MAML2: variants seen among roughly 807,000 people sequenced by gnomAD.
The protein encoded by MAML2 is mastermind-like protein 2.
Under a neutral mutation model 96.1 loss-of-function variants are expected in MAML2, and 22 were observed. The ratio of observed to expected loss-of-function variants is 0.23; its 90% CI spans 0.16 to 0.33. The LOEUF (loss-of-function observed/expected upper bound fraction) is 0.33, where lower values mean the gene tolerates loss of function less well. Ranked by LOEUF, MAML2 falls within the 10% of genes least tolerant of loss-of-function variation. MAML2 has a pLI of 1.00. For synonymous variants in MAML2, 561 were observed against 521.3 expected (o/e 1.08, Z -1.04); for missense variants, 1,367 against 1,392.4 (o/e 0.98, Z 0.29).
intron 1 of MAML2, among the ~76,000 whole-genome samples, chr11:96,176,673 TGAGGAG>T (rs1161687211): frequency 3.9e-5 from 6 of 152,080 alleles, no homozygotes; most frequent in Non-Finnish European, 7.4e-5. Flanking sequence ...CCATGTCTGA[TGAGGAG>T]GATAGGTGTT....
Position 96,092,039 on chromosome 11 carries a change from T to TTGC in MAML2, c.1989_1991dup (p.Gln665dup), listed in dbSNP as rs149006316. The TTGC allele has an allele frequency of 8.0e-5, 125 of 1,557,856 alleles. 1 individual carries two copies. The highest frequency in any genetic ancestry group is 4.1e-4 in the Admixed American group (21 of 51,420). On this transcript the variant is annotated inframe_insertion, in exon 2 of 5. Transcript: ENST00000524717. The surrounding 1 kb of genome is among the most constrained non-coding windows in gnomAD (Gnocchi z 4.1). Reference sequence around the variant, plus strand: ...ATTGGGCAGGCTGAGAAGATGGTTGTTGCTGCTGCTGCTGCTGCTGTTGTT... The same window carrying TTGC: ...ATTGGGCAGGCTGAGAAGATGGTTGTTGCTGCTGCTGCTGCTGCTGCTGTTGTT...
chr11:96,284,273 A>C (rs1326414020), intron 1 of MAML2, among the ~76,000 whole-genome samples: 1 of 152,220 alleles, frequency 6.6e-6, no homozygotes, highest in African/African-American at 2.4e-5. Context: ...ACTGTTCCTG[A>C]ATATGAATCC....
intron 1 of MAML2, among the ~76,000 whole-genome samples, chr11:96,254,399 T>A (rs949943474): frequency 2.6e-5 from 4 of 151,664 alleles, no homozygotes; most frequent in Non-Finnish European, 5.9e-5. Flanking sequence ...CTCTTTTTTT[T>A]TTTTTTTTTG....
chr11:96,040,722 G>A (rs1198650074), intron 2 of MAML2, among the ~76,000 whole-genome samples: 3 of 152,172 alleles, frequency 2.0e-5, no homozygotes, highest in Non-Finnish European at 4.4e-5. Context: ...AGCCGAGATC[G>A]TGCCACTGCA....
intron 2 of MAML2, among the ~76,000 whole-genome samples, chr11:96,026,183 C>G (rs191535100): frequency 1.2e-4 from 18 of 152,316 alleles, no homozygotes; most frequent in African/African-American, 4.3e-4. Flanking sequence ...GTTCATTTAT[C>G]AGTCTCCTCC....
In MAML2 at chr11:96,155,509, AATATATATATATATATATATATAT is replaced by A. The variant is rs56860340; in HGVS notation, c.514-62016_514-61993del. Among the ~76,000 whole-genome samples the A allele has an allele frequency of 5.9e-3, 445 of 74,830 alleles. 40 individuals carry two copies. The highest frequency in any genetic ancestry group is 0.041 in the Admixed American group (264 of 6,464). 49.1% of individuals were successfully genotyped at this position (74,830 alleles called of 152,430 possible). A position where few individuals can be genotyped will look rare whatever the true frequency, so the allele number is the denominator to read the frequency against. ...ACCTCATGGGCGCTGTAACAATTCA[AATATATATATATATATATATATAT>A]ATATATATATATATATATGAGGAAA... On this transcript the variant is annotated intron_variant, in intron 1 of 4. Transcript: ENST00000524717.
At chr11:96,159,788 C>G (rs1051108790) in intron 1 of MAML2, among the ~76,000 whole-genome samples, 3 of 152,154 alleles carry the variant, frequency 2.0e-5, no homozygotes, top group Non-Finnish European at 2.9e-5. Flanking sequence ...GTACAGCTTA[C>G]GCTGCCAGCC....
chr11:96,028,070 G>A (rs951304522), intron 2 of MAML2, among the ~76,000 whole-genome samples: 2 of 152,088 alleles, frequency 1.3e-5, no homozygotes, highest in African/African-American at 4.8e-5. Flanking sequence ...AGTAAACAAG[G>A]TCCCAATAAT....
intron 1 of MAML2, among the ~76,000 whole-genome samples, chr11:96,324,861 G>A (rs1425074744): frequency 6.6e-6 from 1 of 152,140 alleles, no homozygotes; most frequent in African/African-American, 2.4e-5. Flanking sequence ...TCAAGATCAA[G>A]TTTCTCTTCA....
At chr11:96,103,389 C>G (rs1479234130) in intron 1 of MAML2, among the ~76,000 whole-genome samples, 1 of 152,130 alleles carries the variant, frequency 6.6e-6, no homozygotes, top group East Asian at 1.9e-4. Context: ...GAACCATGCC[C>G]CCTTTATAAG....
At chr11:96,303,498 A>G (rs1428324655) in intron 1 of MAML2, among the ~76,000 whole-genome samples, 1 of 152,196 alleles carries the variant, frequency 6.6e-6, no homozygotes, top group African/African-American at 2.4e-5. Flanking sequence ...ATATACTGAA[A>G]CCATATACAA....
At chr11:95,996,860 T>C (rs1403648182) in intron 2 of MAML2, among the ~76,000 whole-genome samples, 1 of 152,202 alleles carries the variant, frequency 6.6e-6, no homozygotes, top group Non-Finnish European at 1.5e-5. Flanking sequence ...TAGAACTTAA[T>C]AGAAATCATC....
At chr11:96,143,871 G>T (rs968728492) in intron 1 of MAML2, among the ~76,000 whole-genome samples, 3 of 152,166 alleles carry the variant, frequency 2.0e-5, no homozygotes, top group African/African-American at 7.2e-5. Flanking sequence ...TCTAATTATA[G>T]CTGGGGGAAC....
In MAML2 at chr11:96,092,170, G is replaced by T; in HGVS notation, c.1861C>A (p.Gln621Lys). 6.5e-7 allele frequency: 1 copy of T among 1,541,158 alleles called. No homozygotes were observed. The highest frequency in any genetic ancestry group is 8.8e-7 in the Non-Finnish European group (1 of 1,141,772). ...QQQQQQQQQQ[Q>K]SSISAQQQQQ... ...TGTTGTTGAGCTGAAATTGAACTCT[G>T]CTGTTGCTGTTGCTGTTGCTGTTGC... is the stretch of plus-strand genomic sequence containing the variant. Residue 621 changes from glutamine (Q) to lysine (K), a missense_variant, in exon 2 of 5, where the codon CAG (glutamine) becomes AAG (lysine). Coordinates refer to ENST00000524717, the MANE Select transcript of MAML2 (RefSeq NM_032427.4). The surrounding 1 kb of genome is among the most constrained non-coding windows in gnomAD (Gnocchi z 4.1).
At chr11:96,278,514 A>G (rs989522152) in intron 1 of MAML2, among the ~76,000 whole-genome samples, 1 of 152,230 alleles carries the variant, frequency 6.6e-6, no homozygotes. Context: ...ATGGATTATA[A>G]GACATTATGA....
At chr11:96,136,735 G>T (rs1860640020) in intron 1 of MAML2, among the ~76,000 whole-genome samples, 1 of 152,142 alleles carries the variant, frequency 6.6e-6, no homozygotes, top group South Asian at 2.1e-4. Context: ...ATTTCAAAAT[G>T]CATGAAAGCC....
intron 1 of MAML2, among the ~76,000 whole-genome samples, chr11:96,255,232 T>A (rs1046941608): frequency 1.3e-5 from 2 of 152,254 alleles, no homozygotes; most frequent in African/African-American, 2.4e-5. Context: ...ATTATCAATA[T>A]GGCTTACAAA....
chr11:96,204,695 G>A (rs541443599), intron 1 of MAML2, among the ~76,000 whole-genome samples: 2 of 152,210 alleles, frequency 1.3e-5, no homozygotes, highest in Admixed American at 6.5e-5. Flanking sequence ...CAGAAATAGC[G>A]CATTGCAGTC....
intron 1 of MAML2, among the ~76,000 whole-genome samples, chr11:96,326,830 A>G (rs1211107787): frequency 6.6e-6 from 1 of 152,128 alleles, no homozygotes; most frequent in Non-Finnish European, 1.5e-5. Flanking sequence ...AAAGCCATTC[A>G]TCTGGTCATT....
Sources: allele counts gnomAD v4.1 joint callset (sites outside exome capture counted in the v4.1 genomes callset), GRCh38; gene constraint gnomAD v4.1.1; non-coding constraint Gnocchi (gnomAD v3.1); transcripts MANE v1.5; gene names NCBI Gene and HGNC (gene_info 2026-07-23, HGNC 2026-07-21).